The following HORMAD2 variants were observed in gnomAD, a reference collection of about 807,000 sequenced individuals.
HORMAD2 encodes the protein HORMA domain containing 2, also known as HORMA domain-containing protein 2.
A neutral mutation model predicts 38.8 loss-of-function variants in HORMAD2; 45 were observed. The ratio of observed to expected loss-of-function variants is 1.16; its 90% CI spans 0.91 to 1.49. The LOEUF is 1.49. HORMAD2 is among the 40% of genes most tolerant of loss of function. HORMAD2 has a pLI of 0.00. For missense variants in HORMAD2, 338 were observed against 367.0 expected, an observed-to-expected ratio of 0.92 and a Z score of 0.65; for synonymous variants, 126 against 122.8, an observed-to-expected ratio of 1.03 and a Z score of -0.17.
chr22:30,092,164 A>G (rs2068700861), intron 1 of HORMAD2, among the ~76,000 whole-genome samples: 1 of 151,676 alleles, frequency 6.6e-6, no homozygotes, highest in Non-Finnish European at 1.5e-5. Flanking sequence ...TACAGGTGTG[A>G]GCCACCTCGC....
intron 5 of HORMAD2, among the ~76,000 whole-genome samples, chr22:30,107,285 T>G (rs755992325): frequency 6.6e-6 from 1 of 152,244 alleles, no homozygotes; most frequent in Non-Finnish European, 1.5e-5. Context: ...TTACTAAATG[T>G]CTACCTGTAT....
the HORMAD2 span, among the ~76,000 whole-genome samples, chr22:30,184,084 T>A: frequency 1.3e-5 from 2 of 152,234 alleles, no homozygotes; most frequent in Non-Finnish European, 2.9e-5. Context: ...CCACAAGGAA[T>A]GCGGTTAAAT....
At chr22:30,139,037 C>G (rs759657467) in intron 10 of HORMAD2, among the ~76,000 whole-genome samples, 3 of 151,462 alleles carry the variant, frequency 2.0e-5, no homozygotes, top group Non-Finnish European at 2.9e-5. Flanking sequence ...CCTCCCTGAG[C>G]GGGAGGGAAT....
chr22:30,201,578 C>T, the HORMAD2 span, among the ~76,000 whole-genome samples: 1 of 152,180 alleles, frequency 6.6e-6, no homozygotes, highest in South Asian at 2.1e-4. Context: ...CCCCCTCGCC[C>T]GGCTAATTTT....
chr22:30,157,955 T>C (rs1220276659), intron 10 of HORMAD2, among the ~76,000 whole-genome samples: 1 of 152,226 alleles, frequency 6.6e-6, no homozygotes, highest in Non-Finnish European at 1.5e-5. Flanking sequence ...ATGTACCAGA[T>C]ATTATATCAA....
intron 10 of HORMAD2, among the ~76,000 whole-genome samples, chr22:30,130,596 T>C (rs901516079): frequency 7.0e-5 from 10 of 143,800 alleles, no homozygotes; most frequent in South Asian, 6.7e-4. Context: ...CTTTTTTTTT[T>C]TTTTTTTTTT....
intron 2 of HORMAD2, among the ~76,000 whole-genome samples, chr22:30,094,663 G>T (rs185170946): frequency 6.0e-4 from 91 of 152,226 alleles, no homozygotes; most frequent in African/African-American, 2.2e-3. Context: ...AAATTATAGG[G>T]ATTTATTTAG....
Position 30,122,079 on chromosome 22 carries a change from T to C in HORMAD2, c.684T>C (p.His228=), listed in dbSNP as rs768049903. Residue 228 remains histidine, a synonymous_variant, in exon 10 of 11, where the codon CAT becomes CAC. Coordinates refer to ENST00000336726, the MANE Select transcript of HORMAD2 (RefSeq NM_152510.4). ...VQVGFVSTGF[H]SMKVKVMTEA... ...TGGGATTTGTCTCCACTGGCTTTCATAGCATGAAAGTAAAAGTCATGACAG... is the reference window on the plus strand; with the variant it reads ...TGGGATTTGTCTCCACTGGCTTTCACAGCATGAAAGTAAAAGTCATGACAG... 4.3e-6 allele frequency: 7 copies of C among 1,613,772 alleles called. No homozygotes were observed. The South Asian group carries it at 7.7e-5, about 18-fold the overall frequency.
At chr22:30,173,135 C>A (rs1389799263) in intron 10 of HORMAD2, among the ~76,000 whole-genome samples, 3 of 152,094 alleles carry the variant, frequency 2.0e-5, no homozygotes, top group Admixed American at 1.3e-4. Flanking sequence ...GCAAGCAGGG[C>A]CCATTAGAAC....
chr22:30,144,043 T>A (rs1401525826), intron 10 of HORMAD2, among the ~76,000 whole-genome samples: 1 of 152,134 alleles, frequency 6.6e-6, no homozygotes, highest in Non-Finnish European at 1.5e-5. Context: ...TTAAACCTCT[T>A]TTCTTATAAA....
chr22:30,163,882 G>A (rs183809336), intron 10 of HORMAD2, among the ~76,000 whole-genome samples: 41 of 152,130 alleles, frequency 2.7e-4, no homozygotes, highest in Non-Finnish European at 4.4e-4. Context: ...AACTGTCACC[G>A]TTATCCATTT....
chr22:30,089,201 G>C (rs1251644169), intron 1 of HORMAD2, among the ~76,000 whole-genome samples: 2 of 151,996 alleles, frequency 1.3e-5, no homozygotes, highest in Non-Finnish European at 2.9e-5. Context: ...CACAAAAACC[G>C]GTCACAGGCT....
chr22:30,170,269 C>G (rs1265469771), intron 10 of HORMAD2, among the ~76,000 whole-genome samples: 1 of 152,162 alleles, frequency 6.6e-6, no homozygotes, highest in African/African-American at 2.4e-5. Context: ...ACTACACTCA[C>G]CCCAGGCACA....
chr22:30,143,490 T>A (rs1924219328), intron 10 of HORMAD2, among the ~76,000 whole-genome samples: 2 of 152,192 alleles, frequency 1.3e-5, no homozygotes, highest in South Asian at 4.1e-4. Context: ...TTGAATATGT[T>A]GTCTTACTAC....
rs1921050756 is a variant in HORMAD2 at position 30,104,599 on chromosome 22, G to A, written c.294+162G>A. The A allele has an allele frequency of 1.1e-5, 6 of 538,828 alleles. No individual in the cohort carries two copies. In the Middle Eastern group the frequency reaches 2.0e-3, roughly 179 times the overall value. 33.4% of individuals were successfully genotyped at this position (538,828 alleles called of 1,614,324 possible). On this transcript the variant is annotated intron_variant, in intron 5 of 10. Transcript: ENST00000336726. ...CTTATGTCTTTATTGTCCTGTTGTT[G>A]TCTCCTTTGCATCAATTAGAAAGAA...
intron 7 of HORMAD2, among the ~76,000 whole-genome samples, chr22:30,113,552 T>C (rs1921820684): frequency 6.6e-6 from 1 of 152,234 alleles, no homozygotes; most frequent in African/African-American, 2.4e-5. Context: ...TTGTGAATTC[T>C]TGAGGACAAG....
chr22:30,092,043 A>ATTTT (rs34639591), intron 1 of HORMAD2, among the ~76,000 whole-genome samples: 2 of 135,074 alleles, frequency 1.5e-5, no homozygotes, highest in African/African-American at 5.5e-5. Context: ...CACCTGGCTA[A>ATTTT]TTTTTTTTTT....
At chr22:30,125,973 C>G (rs1300988460) in intron 10 of HORMAD2, among the ~76,000 whole-genome samples, 1 of 152,096 alleles carries the variant, frequency 6.6e-6, no homozygotes, top group Non-Finnish European at 1.5e-5. Context: ...CTTGCTTTGT[C>G]TTTGTCACAA....
intron 10 of HORMAD2, among the ~76,000 whole-genome samples, chr22:30,162,981 C>T (rs942870717): frequency 6.6e-5 from 10 of 152,000 alleles, no homozygotes; most frequent in African/African-American, 2.4e-4. Flanking sequence ...GGATTACAGG[C>T]GTGAGCCACC....
Sources: allele counts gnomAD v4.1 joint callset (sites outside exome capture counted in the v4.1 genomes callset), GRCh38; gene constraint gnomAD v4.1.1; transcripts MANE v1.5; gene names NCBI Gene and HGNC (gene_info 2026-07-23, HGNC 2026-07-21).